The following FAM168B variants were observed in gnomAD, a reference collection of about 807,000 sequenced individuals.
The protein encoded by FAM168B is family with sequence similarity 168 member B.
Under a neutral mutation model 21.8 loss-of-function variants are expected in FAM168B, and 19 were observed. The ratio of observed to expected loss-of-function variants is 0.87; its 90% CI spans 0.61 to 1.28. The LOEUF (loss-of-function observed/expected upper bound fraction) is 1.28, where lower values mean the gene tolerates loss of function less well. FAM168B is among the 50% of genes most tolerant of loss of function. The pLI, the probability that FAM168B is intolerant of heterozygous loss-of-function variation, is 0.00. For missense variants in FAM168B, 233 were observed against 263.1 expected (o/e 0.89, Z 0.79); for synonymous variants, 126 against 104.8 (o/e 1.20, Z -1.24).
intron 5 of FAM168B, among the ~76,000 whole-genome samples, chr2:131,054,750 A>ATCTT (rs1377547993): frequency 6.6e-6 from 1 of 152,190 alleles, no homozygotes; most frequent in Non-Finnish European, 1.5e-5. Flanking sequence ...CAGGGGCCTC[A>ATCTT]TCTTTCCATG....
At chr2:131,062,644 AC>A (rs1416339128) in intron 3 of FAM168B, among the ~76,000 whole-genome samples, 1 of 152,028 alleles carries the variant, frequency 6.6e-6, no homozygotes, top group African/African-American at 2.4e-5. Context: ...GACTGGATTC[AC>A]CTATGTTGGC....
chr2:131,055,729 C>T (rs1353048963), intron 3 of FAM168B, 34 bp from the exon 4 acceptor site: 6 of 1,603,500 alleles, frequency 3.7e-6, no homozygotes, highest in Admixed American at 1.7e-5. Flanking sequence ...TGAGTTCACC[C>T]AAGCCGGTCC....
At chr2:131,060,774 A>G (rs893421709) in intron 3 of FAM168B, among the ~76,000 whole-genome samples, 1 of 152,180 alleles carries the variant, frequency 6.6e-6, no homozygotes, top group Non-Finnish European at 1.5e-5. Context: ...TAAGGTAAAT[A>G]TGGGGAAAGA....
intron 1 of FAM168B, among the ~76,000 whole-genome samples, chr2:131,083,052 C>G (rs934427125): frequency 6.6e-6 from 1 of 152,028 alleles, no homozygotes; most frequent in Non-Finnish European, 1.5e-5. Flanking sequence ...GAAACCCCAT[C>G]TCTACTAAAA....
At chr2:131,087,293 AC>A (rs1320890527) in intron 1 of FAM168B, among the ~76,000 whole-genome samples, 8 of 151,988 alleles carry the variant, frequency 5.3e-5, no homozygotes, top group Admixed American at 5.2e-4. Context: ...ACATGGTGAA[AC>A]CCCATCTCTA....
intron 3 of FAM168B, among the ~76,000 whole-genome samples, chr2:131,059,204 C>G (rs1238229742): frequency 6.6e-6 from 1 of 152,176 alleles, no homozygotes; most frequent in African/African-American, 2.4e-5. Flanking sequence ...AGGTGCTTGG[C>G]TTCAGGGGGA....
At position 131,055,560 on chromosome 2, in the gene FAM168B, T is replaced by C. The variant is rs749957361; in HGVS notation, c.290A>G (p.Tyr97Cys). ...VRSAYPQQSP[Y>C]AQQGTYYTQP... is the part of the protein sequence containing the mutation. Reference sequence around the variant, plus strand: ...GTGTGTACCCAAGCATACCTGTGCATACGGGCTCTGCTGGGGGTAGGCACT... The same window carrying C: ...GTGTGTACCCAAGCATACCTGTGCACACGGGCTCTGCTGGGGGTAGGCACT... The change falls in exon 4 of 7, where the codon TAT (tyrosine) becomes TGT (cysteine). Residue 97 changes from tyrosine (Y) to cysteine (C), a missense_variant. By Grantham distance (194) the Tyr-to-Cys change is radical. Transcript: ENST00000389915. 1.2e-6 allele frequency: 2 copies of C among 1,604,358 alleles called. No homozygotes were observed. The highest frequency in any genetic ancestry group is 2.2e-5 in the South Asian group (2 of 90,020).
intron 2 of FAM168B, among the ~76,000 whole-genome samples, chr2:131,072,690 C>T (rs1441153353): frequency 2.0e-5 from 3 of 151,990 alleles, no homozygotes; most frequent in African/African-American, 7.3e-5. Context: ...AACTCCTGAC[C>T]TCATGATCCA....
chr2:131,053,350 T>C (rs918065921), intron 5 of FAM168B, among the ~76,000 whole-genome samples: 1 of 152,152 alleles, frequency 6.6e-6, no homozygotes, highest in Non-Finnish European at 1.5e-5. Flanking sequence ...ACAATATAGA[T>C]GAACCTTAAG....
At chr2:131,061,795 AAG>A (rs1692311682) in intron 3 of FAM168B, among the ~76,000 whole-genome samples, 1 of 151,728 alleles carries the variant, frequency 6.6e-6, no homozygotes, top group African/African-American at 2.4e-5. Flanking sequence ...AAAAAAAAAA[AAG>A]AAGAAGAAGA....
rs1445138889 is a variant in FAM168B at position 131,051,815 on chromosome 2, A to G, written c.*650T>C. On this transcript the variant is annotated 3_prime_UTR_variant, in exon 7 of 7. Coordinates refer to ENST00000389915, the MANE Select transcript of FAM168B (RefSeq NM_001009993.4). ...CAAGCCTAAACTCAAAGGGATGTCC[A>G]TGAACCAGCTGCACCCAAGCAGCTG... 3.3e-5 allele frequency: 33 copies of G among 985,322 alleles called. No individual in the cohort carries two copies. Among genetic ancestry groups the G allele is most frequent in the Non-Finnish European group, 4.0e-5 (33 of 829,962 alleles). The allele number at this position is 985,322 out of a possible 1,614,324, so 61.0% of individuals were successfully genotyped here. A position where few individuals can be genotyped will look rare whatever the true frequency, so the allele number is the denominator to read the frequency against.
chr2:131,048,410 G>C lies in FAM168B; in HGVS notation c.*4055C>G. ...CACACCACCCTTCTGCAGGCCCGGG[G>C]GGGGGTCCCTACACAGACGCCGCTC... On this transcript the variant is annotated 3_prime_UTR_variant, in exon 7 of 7. Transcript: ENST00000389915. 7.9e-7 allele frequency: 1 copy of C among 1,265,848 alleles called. No individual in the cohort carries two copies. The highest frequency in any genetic ancestry group is 1.0e-6 in the Non-Finnish European group (1 of 964,654). The allele number at this position is 1,265,848 out of a possible 1,614,324, so 78.4% of individuals were successfully genotyped here.
chr2:131,081,248 T>C (rs1693419617), intron 2 of FAM168B, among the ~76,000 whole-genome samples: 1 of 152,232 alleles, frequency 6.6e-6, no homozygotes, highest in African/African-American at 2.4e-5. Context: ...CTATGTGACA[T>C]AGCATCTACC....
chr2:131,058,227 C>A (rs942017304), intron 3 of FAM168B, among the ~76,000 whole-genome samples: 4 of 152,106 alleles, frequency 2.6e-5, no homozygotes, highest in Non-Finnish European at 5.9e-5. Flanking sequence ...GTTTGGGGTG[C>A]CAGTGCAATT....
intron 3 of FAM168B, among the ~76,000 whole-genome samples, chr2:131,059,348 A>C (rs145700421): frequency 6.6e-6 from 1 of 152,262 alleles, no homozygotes; most frequent in Non-Finnish European, 1.5e-5. Context: ...GGGATGAGGG[A>C]CGTCAAGGGT....
intron 1 of FAM168B, among the ~76,000 whole-genome samples, chr2:131,086,415 G>A (rs547403017): frequency 3.3e-5 from 5 of 152,180 alleles, no homozygotes; most frequent in African/African-American, 9.6e-5. Flanking sequence ...AGATGGAAAC[G>A]AGCCCTGGCA....
At chr2:131,066,377 G>A (rs893805555) in intron 3 of FAM168B, among the ~76,000 whole-genome samples, 6 of 152,020 alleles carry the variant, frequency 3.9e-5, no homozygotes, top group Non-Finnish European at 7.4e-5. Context: ...GGGTTTCACC[G>A]TGTTAGCCAG....
At chr2:131,079,887 T>C (rs931336790) in intron 2 of FAM168B, among the ~76,000 whole-genome samples, 1 of 150,378 alleles carries the variant, frequency 6.6e-6, no homozygotes, top group Admixed American at 6.6e-5. Flanking sequence ...GAGGCCGAGG[T>C]GGGAGGATCA....
chr2:131,092,488 A>C (rs1448202954), intron 1 of FAM168B, among the ~76,000 whole-genome samples: 1 of 152,222 alleles, frequency 6.6e-6, no homozygotes, highest in East Asian at 1.9e-4. Flanking sequence ...GATGACCTGA[A>C]AGTTTAAGGA....
Sources: allele counts gnomAD v4.1 joint callset (sites outside exome capture counted in the v4.1 genomes callset), GRCh38; gene constraint gnomAD v4.1.1; transcripts MANE v1.5; gene names NCBI Gene and HGNC (gene_info 2026-07-23, HGNC 2026-07-21).